The following COLQ variants were observed in gnomAD, a reference collection of about 807,000 sequenced individuals.
COLQ encodes collagen like tail subunit of asymmetric acetylcholinesterase, also known as acetylcholinesterase collagenic tail peptide.
In COLQ, 48 loss-of-function variants were observed where a neutral mutation model predicts 69.0. That is an observed-to-expected ratio of 0.70 (90% CI 0.55 to 0.88). COLQ has a LOEUF of 0.88. COLQ is among the 40% of genes least tolerant of loss of function. The pLI is 0.00. For synonymous variants in COLQ, 217 were observed against 211.2 expected (o/e 1.03, Z -0.24); for missense variants, 618 against 594.6 (o/e 1.04, Z -0.41).
At chr3:15,510,062 G>C (rs2062963775) in intron 1 of COLQ, among the ~76,000 whole-genome samples, 1 of 151,990 alleles carries the variant, frequency 6.6e-6, no homozygotes, top group Admixed American at 6.6e-5. Flanking sequence ...TGTAGTCCCA[G>C]CTACTCGGGA....
At chr3:15,456,329 G>T in intron 14 of COLQ, 131 bp downstream of exon 14, 2 of 1,245,392 alleles carry the variant, frequency 1.6e-6, no homozygotes, top group Non-Finnish European at 2.2e-6. Context: ...GAGGGAGGAT[G>T]CTCAGCCCTC....
In COLQ at chr3:15,517,056, C is replaced by T. The variant is rs372254916; in HGVS notation, c.106+4464G>A. On this transcript the variant is annotated intron_variant, in intron 1 of 16. Transcript: ENST00000383788. ...ACTCAAGAGGCAGAGGTATGACAAT[C>T]GCTTGAACCTGGAAGGCGGAGGGTT... is the stretch of plus-strand genomic sequence containing the variant. Among the ~76,000 whole-genome samples, 21 of 152,234 alleles carry T rather than the reference C, an allele frequency of 1.4e-4. No homozygotes were observed. In the South Asian group the frequency reaches 3.5e-3, roughly 26 times the overall value.
Position 15,489,607 on chromosome 3 carries a change from C to G in COLQ, c.137G>C (p.Gly46Ala). ...ALPSLDQKKR[G>A]GHKACCLLTP... ...CAGCAGGCAGCATGCTTTGTGGCCACCACGCTTCTTCTGATCCAGGCTGGG... is the reference window on the plus strand; with the variant it reads ...CAGCAGGCAGCATGCTTTGTGGCCAGCACGCTTCTTCTGATCCAGGCTGGG... Residue 46 changes from glycine to alanine, a missense_variant, in exon 2 of 17, where the codon GGT becomes GCT. Coordinates refer to ENST00000383788, the MANE Select transcript of COLQ (RefSeq NM_005677.4). The G allele has an allele frequency of 6.2e-7, 1 of 1,614,144 alleles. No homozygotes were observed.
At chr3:15,517,710 A>G (rs2063081341) in intron 1 of COLQ, among the ~76,000 whole-genome samples, 1 of 152,230 alleles carries the variant, frequency 6.6e-6, no homozygotes, top group Non-Finnish European at 1.5e-5. Flanking sequence ...TGGTTAACGC[A>G]ATACACCAAA....
At chr3:15,458,962 G>A (rs2062066182) in intron 12 of COLQ, among the ~76,000 whole-genome samples, 1 of 151,672 alleles carries the variant, frequency 6.6e-6, no homozygotes, top group Non-Finnish European at 1.5e-5. Context: ...TCCTGCCTCA[G>A]CCTCCTGTGT....
At chr3:15,461,969 T>G (rs1241411385) in intron 12 of COLQ, among the ~76,000 whole-genome samples, 1 of 152,126 alleles carries the variant, frequency 6.6e-6, no homozygotes, top group Non-Finnish European at 1.5e-5. Context: ...TCTGGATGAT[T>G]ATCCAACTGG....
chr3:15,491,309 C>T (rs987663153), intron 1 of COLQ, among the ~76,000 whole-genome samples: 1 of 152,222 alleles, frequency 6.6e-6, no homozygotes, highest in Admixed American at 6.5e-5. Context: ...TTTGGTGTCA[C>T]GATGTACCTT....
intron 4 of COLQ, 99 bp downstream of exon 4, chr3:15,479,239 A>G: frequency 7.5e-7 from 1 of 1,333,232 alleles, no homozygotes; most frequent in East Asian, 2.3e-5. Flanking sequence ...GAGTTAGCAC[A>G]TGTTTGGAAA....
chr3:15,470,433 G>C (rs2062261836), intron 11 of COLQ, 103 bp downstream of exon 11: 2 of 1,029,754 alleles, frequency 1.9e-6, no homozygotes, highest in African/African-American at 1.6e-5. Context: ...TGGAGTCAAG[G>C]TCTACAGAAT....
chr3:15,477,478 A>C (rs1173021310), intron 5 of COLQ: 4 of 439,014 alleles, frequency 9.1e-6, no homozygotes, highest in African/African-American at 6.2e-5. Context: ...ACCCCCACCC[A>C]AAAGTCCCCT....
intron 3 of COLQ, among the ~76,000 whole-genome samples, chr3:15,481,464 AC>A (rs1443867202): frequency 6.6e-6 from 1 of 152,224 alleles, no homozygotes; most frequent in Non-Finnish European, 1.5e-5. Flanking sequence ...CATTTATTAA[AC>A]AGGGAATCCT....
chr3:15,471,365 T>C (rs1012330111), intron 10 of COLQ, among the ~76,000 whole-genome samples: 1 of 152,240 alleles, frequency 6.6e-6, no homozygotes, highest in African/African-American at 2.4e-5. Context: ...TTTCATAGTT[T>C]AAGGCCAATA....
chr3:15,450,865 T>C lies in COLQ; in HGVS notation c.*779A>G, dbSNP rs1360098510. On this transcript the variant is annotated 3_prime_UTR_variant, in exon 17 of 17. Transcript: ENST00000383788. ...CAGGAAATGGACATGAGGGACATTT[T>C]TGAGACAGGGGGCAAAGTGCAGAGA... 1 of 152,430 alleles carries C rather than the reference T, an allele frequency of 6.6e-6. No individual in the cohort carries two copies. The highest frequency in any genetic ancestry group is 1.5e-5 in the Non-Finnish European group (1 of 68,270). The allele number at this position is 152,430 out of a possible 1,614,324, so 9.4% of individuals were successfully genotyped here. A position where few individuals can be genotyped will look rare whatever the true frequency, so the allele number is the denominator to read the frequency against.
intron 5 of COLQ, chr3:15,477,485 C>A (rs1219930687): frequency 4.7e-6 from 2 of 427,738 alleles, no homozygotes; most frequent in East Asian, 9.6e-5. Flanking sequence ...CCCAAAAGTC[C>A]CCTGCGTTCC....
chr3:15,479,324 G>A lies in COLQ; in HGVS notation c.366+14C>T. 1 of 1,613,370 alleles carries A rather than the reference G, an allele frequency of 6.2e-7. No individual in the cohort carries two copies. Among genetic ancestry groups the A allele is most frequent in the Non-Finnish European group, 8.5e-7 (1 of 1,179,268 alleles). On this transcript the variant is annotated intron_variant, in intron 4 of 16. Transcript: ENST00000383788. Reference sequence around the variant, plus strand: ...GCCAAGGAAAGAAGGGTTGAAGAAAGTAGTGGTCCATACCTTTTCTCCCTT... The same window carrying A: ...GCCAAGGAAAGAAGGGTTGAAGAAAATAGTGGTCCATACCTTTTCTCCCTT...
At chr3:15,499,822 G>C (rs59745291) in intron 1 of COLQ, among the ~76,000 whole-genome samples, 1 of 152,200 alleles carries the variant, frequency 6.6e-6, no homozygotes, top group Non-Finnish European at 1.5e-5. Context: ...CTTAGTAGCT[G>C]TGTGACCTTG....
intron 5 of COLQ, among the ~76,000 whole-genome samples, chr3:15,478,432 G>A (rs370441225): frequency 6.6e-6 from 1 of 152,140 alleles, no homozygotes; most frequent in Non-Finnish European, 1.5e-5. Context: ...AGTATCCACT[G>A]ACCTCAGCAA....
chr3:15,501,634 C>T (rs1253520544), intron 1 of COLQ, among the ~76,000 whole-genome samples: 1 of 152,246 alleles, frequency 6.6e-6, no homozygotes, highest in Non-Finnish European at 1.5e-5. Context: ...CCTGAGCCCT[C>T]CTCTTGACTA....
intron 1 of COLQ, among the ~76,000 whole-genome samples, chr3:15,498,216 A>T (rs2062776262): frequency 6.6e-6 from 1 of 152,182 alleles, no homozygotes; most frequent in Non-Finnish European, 1.5e-5. Context: ...GTGTCAGTCA[A>T]GGTCACAAGA....
Sources: allele counts gnomAD v4.1 joint callset (sites outside exome capture counted in the v4.1 genomes callset), GRCh38; gene constraint gnomAD v4.1.1; transcripts MANE v1.5; gene names NCBI Gene and HGNC (gene_info 2026-07-23, HGNC 2026-07-21).